The following CLSTN2 variants were observed in gnomAD, a reference collection of about 807,000 sequenced individuals.
The protein encoded by CLSTN2 is calsyntenin 2, also known as calsyntenin-2.
A neutral mutation model predicts 101.2 loss-of-function variants in CLSTN2; 48 were observed. The observed-to-expected ratio is 0.47, with a 90% CI of 0.38 to 0.60. CLSTN2 has a LOEUF of 0.60. Among genes scored for constraint, CLSTN2 ranks in the 20% least tolerant of loss-of-function variants. The pLI is 0.00. For synonymous variants in CLSTN2, 481 were observed against 463.6 expected, an observed-to-expected ratio of 1.04 and a Z score of -0.48; for missense variants, 1,160 against 1,238.2, an observed-to-expected ratio of 0.94 and a Z score of 0.95.
At chr3:140,431,165 C>T (rs79675033) in intron 5 of CLSTN2, among the ~76,000 whole-genome samples, 2,429 of 152,276 alleles carry the variant, frequency 0.016, 57 homozygotes, top group African/African-American at 0.055. Context: ...TAAGAGGTGC[C>T]ACAACTTTCA....
At chr3:140,332,299 G>A (rs780133989) in intron 2 of CLSTN2, among the ~76,000 whole-genome samples, 12 of 152,170 alleles carry the variant, frequency 7.9e-5, no homozygotes, top group East Asian at 1.9e-4. Flanking sequence ...ATGTTCTTGC[G>A]TTATCAAACT....
intron 1 of CLSTN2, among the ~76,000 whole-genome samples, chr3:140,103,591 T>A (rs1403515580): frequency 6.6e-6 from 1 of 152,222 alleles, no homozygotes; most frequent in East Asian, 1.9e-4. Context: ...ATATTTTAGC[T>A]GTGATCTCAG....
intron 2 of CLSTN2, among the ~76,000 whole-genome samples, chr3:140,233,709 A>G (rs1038169930): frequency 6.6e-6 from 1 of 152,192 alleles, no homozygotes; most frequent in African/African-American, 2.4e-5. Flanking sequence ...GATACCCAGT[A>G]TCCAAAGCTT....
intron 1 of CLSTN2, among the ~76,000 whole-genome samples, chr3:139,945,090 C>A (rs575873611): frequency 6.6e-6 from 1 of 152,230 alleles, no homozygotes; most frequent in Admixed American, 6.5e-5. Flanking sequence ...AAAAAGACAT[C>A]ATTTTTGTGA....
At chr3:140,050,971 A>C (rs2007978566) in intron 1 of CLSTN2, among the ~76,000 whole-genome samples, 1 of 152,204 alleles carries the variant, frequency 6.6e-6, no homozygotes, top group African/African-American at 2.4e-5. Context: ...AAAGAAAGAA[A>C]CACAGCTTTT....
intron 2 of CLSTN2, among the ~76,000 whole-genome samples, chr3:140,397,537 T>C (rs963630914): frequency 6.6e-6 from 1 of 152,220 alleles, no homozygotes; most frequent in Non-Finnish European, 1.5e-5. Context: ...TTCTGGAGGC[T>C]GAGAAGTCCA....
At chr3:140,178,884 T>G (rs150294876) in intron 2 of CLSTN2, among the ~76,000 whole-genome samples, 1 of 152,330 alleles carries the variant, frequency 6.6e-6, no homozygotes, top group East Asian at 1.9e-4. Context: ...CCTTTCCCAG[T>G]GGTCTTTATT....
intron 1 of CLSTN2, among the ~76,000 whole-genome samples, chr3:140,069,666 T>A (rs2008358574): frequency 6.6e-6 from 1 of 152,172 alleles, no homozygotes; most frequent in Admixed American, 6.5e-5. Context: ...GTCAGAGAAG[T>A]TCACATCTTC....
At chr3:140,127,433 G>T (rs1466252639) in intron 1 of CLSTN2, among the ~76,000 whole-genome samples, 1 of 152,166 alleles carries the variant, frequency 6.6e-6, no homozygotes, top group East Asian at 1.9e-4. Flanking sequence ...GTTTAACTAT[G>T]ATTACTAATA....
At chr3:140,051,824 A>C (rs925046099) in intron 1 of CLSTN2, among the ~76,000 whole-genome samples, 2 of 152,114 alleles carry the variant, frequency 1.3e-5, no homozygotes, top group Admixed American at 1.3e-4. Flanking sequence ...AAAGCACTAC[A>C]CCTTAGAGCA....
chr3:140,205,510 T>G (rs2010769034), intron 2 of CLSTN2, among the ~76,000 whole-genome samples: 1 of 151,430 alleles, frequency 6.6e-6, no homozygotes, highest in African/African-American at 2.4e-5. Flanking sequence ...AAGGTGGGAA[T>G]ATGGGAGGGA....
At chr3:140,422,161 C>T (rs1460083588) in intron 5 of CLSTN2, among the ~76,000 whole-genome samples, 5 of 149,224 alleles carry the variant, frequency 3.4e-5, no homozygotes, top group African/African-American at 7.4e-5. Context: ...CTGCCTCCCT[C>T]TTATATTCTC....
At chr3:139,953,769 G>T (rs1560052530) in intron 1 of CLSTN2, among the ~76,000 whole-genome samples, 1 of 152,104 alleles carries the variant, frequency 6.6e-6, no homozygotes, top group Non-Finnish European at 1.5e-5. Context: ...GCCTTTACTG[G>T]CTTTCTTCCC....
intron 8 of CLSTN2, among the ~76,000 whole-genome samples, chr3:140,516,450 GA>G (rs1665433139): frequency 6.6e-6 from 1 of 151,810 alleles, no homozygotes; most frequent in Non-Finnish European, 1.5e-5. Context: ...ATGCTTTAAG[GA>G]TGTTCTATTT....
chr3:140,105,775 C>G (rs2009046974), intron 1 of CLSTN2, among the ~76,000 whole-genome samples: 1 of 152,164 alleles, frequency 6.6e-6, no homozygotes, highest in Non-Finnish European at 1.5e-5. Flanking sequence ...GGACAAGCAC[C>G]TCAGCCTCAG....
intron 2 of CLSTN2, among the ~76,000 whole-genome samples, chr3:140,189,456 A>G (rs1309605272): frequency 6.6e-6 from 1 of 152,078 alleles, no homozygotes; most frequent in Non-Finnish European, 1.5e-5. Context: ...GTGTGTATGT[A>G]TTATCTCATT....
rs1371455795 is a variant in CLSTN2, at chr3:140,575,825, T to C, written c.*9572T>C. ...ATGTGTGTGTGTGTATATGTGTGCA[T>C]ATATGTGTACATATACACATACCCC... On this transcript the variant is annotated 3_prime_UTR_variant, in exon 17 of 17. Coordinates refer to ENST00000458420, the MANE Select transcript of CLSTN2 (RefSeq NM_022131.3). The C allele has an allele frequency of 6.6e-6, 1 of 152,174 alleles. No individual in the cohort carries two copies. The highest frequency in any genetic ancestry group is 1.9e-4 in the East Asian group (1 of 5,196). The allele number at this position is 152,174 out of a possible 1,614,324, so 9.4% of individuals were successfully genotyped here.
At chr3:140,281,225 A>G (rs2086843728) in intron 2 of CLSTN2, among the ~76,000 whole-genome samples, 1 of 152,212 alleles carries the variant, frequency 6.6e-6, no homozygotes, top group Non-Finnish European at 1.5e-5. Flanking sequence ...CAGCCCTAGA[A>G]TACAATATAA....
intron 2 of CLSTN2, among the ~76,000 whole-genome samples, chr3:140,218,362 T>C (rs909957297): frequency 5.9e-5 from 9 of 152,220 alleles, no homozygotes; most frequent in African/African-American, 2.2e-4. Flanking sequence ...TGGGTGGTGT[T>C]TCTGCCATAA....
Sources: gnomAD v4.1 joint callset for allele counts (sites outside exome capture counted in the v4.1 genomes callset) on GRCh38, gnomAD v4.1.1 for gene constraint, MANE v1.5 for transcripts, NCBI Gene and HGNC (gene_info 2026-07-23, HGNC 2026-07-21) for gene names.